Variants in GPR37 observed in about 807,000 individuals in gnomAD.
GPR37 encodes the protein prosaposin receptor GPR37.
A neutral mutation model predicts 43.6 loss-of-function variants in GPR37; 20 were observed. That is an observed-to-expected ratio of 0.46 (90% CI 0.32 to 0.67). The LOEUF (loss-of-function observed/expected upper bound fraction) is 0.67, where lower values mean the gene tolerates loss of function less well. GPR37 is among the 30% of genes least tolerant of loss of function. The pLI, the probability that GPR37 is intolerant of heterozygous loss-of-function variation, is 0.03. For synonymous variants in GPR37, 315 were observed against 322.6 expected (o/e 0.98, Z 0.25); for missense variants, 724 against 797.2 (o/e 0.91, Z 1.11).
At chr7:124,748,528 A>G (rs1793697827) in intron 1 of GPR37, among the ~76,000 whole-genome samples, 1 of 152,164 alleles carries the variant, frequency 6.6e-6, no homozygotes, top group South Asian at 2.1e-4. Flanking sequence ...ATGAGCCACT[A>G]TGAATTTATA....
intron 1 of GPR37, among the ~76,000 whole-genome samples, chr7:124,750,284 G>A (rs971376041): frequency 4.6e-5 from 7 of 152,072 alleles, no homozygotes; most frequent in East Asian, 3.9e-4. Flanking sequence ...AGAAACCCTC[G>A]TCAAGGCTTT....
Position 124,746,328 on chromosome 7 carries a change from T to C in GPR37, c.*197A>G. The C allele has an allele frequency of 2.3e-6, 1 of 441,552 alleles. No homozygotes were observed. Among genetic ancestry groups the C allele is most frequent in the Non-Finnish European group, 4.0e-6 (1 of 249,372 alleles). 27.4% of individuals were successfully genotyped at this position (441,552 alleles called of 1,614,324 possible). A position where few individuals can be genotyped will look rare whatever the true frequency, so the allele number is the denominator to read the frequency against. On this transcript the variant is annotated 3_prime_UTR_variant, in exon 2 of 2. Coordinates refer to ENST00000303921, the MANE Select transcript of GPR37 (RefSeq NM_005302.5). ...TAATCTAAAACTATTGGCCTTCTCA[T>C]TCTTCTTAAATAACTAAATAGAAAC...
chr7:124,752,860 C>T (rs557359241), intron 1 of GPR37, among the ~76,000 whole-genome samples: 7 of 151,856 alleles, frequency 4.6e-5, no homozygotes, highest in South Asian at 2.1e-4. Flanking sequence ...TATTTAAATC[C>T]GTGGGATACA....
chr7:124,756,590 A>C (rs2116320834), intron 1 of GPR37, among the ~76,000 whole-genome samples: 1 of 152,320 alleles, frequency 6.6e-6, no homozygotes, highest in East Asian at 1.9e-4. Context: ...TGGCACAAAG[A>C]GTATTATTCC....
chr7:124,752,027 TGGAAA>T (rs1277280794), intron 1 of GPR37, among the ~76,000 whole-genome samples: 1 of 152,082 alleles, frequency 6.6e-6, no homozygotes, highest in Non-Finnish European at 1.5e-5. Context: ...AATACAGAGA[TGGAAA>T]GGAATCAAAA....
In GPR37 at chr7:124,744,924, T is replaced by G. The variant is rs955956838; in HGVS notation, c.*1601A>C. ...CCAAAACCTAGCTCAGGTGTCCTCT[T>G]GAGAAATTTTCCAAAGACCTATTAC... On this transcript the variant is annotated 3_prime_UTR_variant, in exon 2 of 2. Coordinates refer to ENST00000303921, the MANE Select transcript of GPR37 (RefSeq NM_005302.5). 1 of 152,106 alleles carries G rather than the reference T, an allele frequency of 6.6e-6. No individual in the cohort carries two copies. The highest frequency in any genetic ancestry group is 2.4e-5 in the African/African-American group (1 of 41,424). The allele number at this position is 152,106 out of a possible 1,614,324, so 9.4% of individuals were successfully genotyped here.
At chr7:124,755,363 C>G (rs1159951079) in intron 1 of GPR37, among the ~76,000 whole-genome samples, 1 of 152,134 alleles carries the variant, frequency 6.6e-6, no homozygotes, top group Non-Finnish European at 1.5e-5. Context: ...TCCTTACTGC[C>G]TCATTCTCCA....
chr7:124,757,786 CT>C (rs11310360), intron 1 of GPR37, among the ~76,000 whole-genome samples: 17,505 of 152,124 alleles, frequency 0.12, 1,298 homozygotes, highest in African/African-American at 0.21. Context: ...TGATATTCAT[CT>C]TTGGAAACTT....
rs553017557 is a variant in GPR37, at chr7:124,744,004, T to A, written c.*2521A>T. 73 of 152,188 alleles carry A rather than the reference T, an allele frequency of 4.8e-4. No homozygotes were observed. Among genetic ancestry groups the A allele is most frequent in the Non-Finnish European group, 9.4e-4 (64 of 67,962 alleles). The allele number at this position is 152,188 out of a possible 1,614,324, so 9.4% of individuals were successfully genotyped here. A position where few individuals can be genotyped will look rare whatever the true frequency, so the allele number is the denominator to read the frequency against. On this transcript the variant is annotated 3_prime_UTR_variant, in exon 2 of 2. Coordinates refer to ENST00000303921, the MANE Select transcript of GPR37 (RefSeq NM_005302.5). ...TTTTGTGAAAAACACAAGACGACTA[T>A]GAGAAAACTTTGAAATCACTTTATA...
chr7:124,748,475 G>C (rs1364112365), intron 1 of GPR37, among the ~76,000 whole-genome samples: 1 of 151,946 alleles, frequency 6.6e-6, no homozygotes, highest in African/African-American at 2.4e-5. Context: ...AAATTCAAGG[G>C]ACATGGGTTC....
chr7:124,747,106 T>C lies in GPR37; in HGVS notation c.1261A>G (p.Ile421Val), dbSNP rs144128090. 1.9e-5 allele frequency: 31 copies of C among 1,613,978 alleles called. No individual in the cohort carries two copies. Among genetic ancestry groups the C allele is most frequent in the Non-Finnish European group, 2.6e-5 (31 of 1,179,902 alleles). ...TCTGGTAAATCAGGAGAGATCTTAA[T>C]AATGCACCTTTCTGCCGGAGCTCGG... ...SGRAPAERCI[I>V]KISPDLPDTI... The change falls in exon 2 of 2, where the codon ATT becomes GTT. Residue 421 changes from isoleucine to valine, a missense_variant. Coordinates refer to ENST00000303921, the MANE Select transcript of GPR37 (RefSeq NM_005302.5).
At chr7:124,754,518 C>CTT (rs1554407777) in intron 1 of GPR37, among the ~76,000 whole-genome samples, 2 of 151,692 alleles carry the variant, frequency 1.3e-5, no homozygotes, top group Admixed American at 6.6e-5. Flanking sequence ...GAAACAGTGT[C>CTT]CTAAGCAAAA....
At position 124,746,757 on chromosome 7, in the gene GPR37, A is replaced by G; in HGVS notation, c.1610T>C (p.Leu537Pro). The change falls in exon 2 of 2, where the codon CTT (leucine) becomes CCT (proline). Residue 537 changes from leucine to proline, a missense_variant. Leu to Pro is a moderately conservative substitution (Grantham distance 98). Coordinates refer to ENST00000303921, the MANE Select transcript of GPR37 (RefSeq NM_005302.5). ...MDLLNIISQF[L>P]LFFKSCVTPV... ...GGTGACACAGGACTTAAAGAACAAA[A>G]GGAACTGGCTGATGATATTAAGGAG... 6.2e-7 allele frequency: 1 copy of G among 1,614,010 alleles called. No homozygotes were observed. The highest frequency in any genetic ancestry group is 8.5e-7 in the Non-Finnish European group (1 of 1,179,918).
chr7:124,750,263 C>G (rs772971079), intron 1 of GPR37, among the ~76,000 whole-genome samples: 1 of 152,098 alleles, frequency 6.6e-6, no homozygotes, highest in Non-Finnish European at 1.5e-5. Flanking sequence ...AACAAAACTT[C>G]TTAAACTATC....
At chr7:124,758,303 A>C (rs1008706568) in intron 1 of GPR37, among the ~76,000 whole-genome samples, 3 of 152,230 alleles carry the variant, frequency 2.0e-5, no homozygotes, top group African/African-American at 4.8e-5. Flanking sequence ...ATGGGAATAT[A>C]TAAAATGATT....
chr7:124,764,557 C>G lies in GPR37; in HGVS notation c.420G>C (p.Thr140=). 9 of 1,613,204 alleles carry G rather than the reference C, an allele frequency of 5.6e-6. No homozygotes were observed. Among genetic ancestry groups the G allele is most frequent in the Non-Finnish European group, 6.8e-6 (8 of 1,179,828 alleles). ...AGATCTGAAGGAAGAGCTGGAGGGC[C>G]GTGGGGTTCCCTCTCCCCAAAGTTT... ...PSETLGRGNP[T]ALQLFLQISE... Residue 140 remains threonine (T), a synonymous_variant, in exon 1 of 2, where the codon ACG becomes ACC. Coordinates refer to ENST00000303921, the MANE Select transcript of GPR37 (RefSeq NM_005302.5). The surrounding 1 kb of genome is among the most constrained non-coding windows in gnomAD (Gnocchi z 5.4).
At chr7:124,747,475 G>A (rs1340189861) in intron 1 of GPR37, 132 bp from the exon 2 acceptor site, 2 of 619,966 alleles carry the variant, frequency 3.2e-6, no homozygotes, top group African/African-American at 1.8e-5. Context: ...AGAGAGAACA[G>A]TTTTCCAGAA....
chr7:124,762,664 G>A (rs1202943417), intron 1 of GPR37, among the ~76,000 whole-genome samples: 1 of 152,252 alleles, frequency 6.6e-6, no homozygotes, highest in African/African-American at 2.4e-5. Context: ...AATCATGGAC[G>A]CTGCTAAAGC....
At chr7:124,763,666 A>G (rs1364358312) in intron 1 of GPR37, among the ~76,000 whole-genome samples, 2 of 152,110 alleles carry the variant, frequency 1.3e-5, no homozygotes, top group African/African-American at 2.4e-5. Context: ...AGAAATACGC[A>G]TAACACCATA....
Sources: gnomAD v4.1 joint callset for allele counts (sites outside exome capture counted in the v4.1 genomes callset) on GRCh38, gnomAD v4.1.1 for gene constraint, Gnocchi (gnomAD v3.1) non-coding constraint, MANE v1.5 for transcripts, NCBI Gene and HGNC (gene_info 2026-07-23, HGNC 2026-07-21) for gene names.